Variants in RAD18 observed in about 807,000 individuals in gnomAD.
RAD18 encodes E3 ubiquitin-protein ligase RAD18.
RAD18 carries 47 observed loss-of-function variants against 60.4 expected under a neutral mutation model. The ratio of observed to expected loss-of-function variants is 0.78; its 90% CI spans 0.62 to 0.99. The LOEUF (loss-of-function observed/expected upper bound fraction) is 0.99. Ranked by LOEUF, RAD18 falls within the 50% of genes least tolerant of loss-of-function variation. The probability of loss-of-function intolerance (pLI) is 0.00; values close to 1 mark genes in which losing one functional copy is unlikely to be tolerated. For missense variants in RAD18, 640 were observed against 593.3 expected, an observed-to-expected ratio of 1.08 and a Z score of -0.82; for synonymous variants, 225 against 195.5, an observed-to-expected ratio of 1.15 and a Z score of -1.26.
At chr3:8,886,711 GAATGTC>G (rs1427529969) in intron 12 of RAD18, among the ~76,000 whole-genome samples, 2 of 152,208 alleles carry the variant, frequency 1.3e-5, no homozygotes, top group African/African-American at 2.4e-5. Context: ...ATGAAGAAAG[GAATGTC>G]AACTGCTATC....
chr3:8,937,514 T>TTATATATATAATATATATATATATA (rs1559790510), intron 6 of RAD18, among the ~76,000 whole-genome samples: 1 of 151,686 alleles, frequency 6.6e-6, no homozygotes, highest in African/African-American at 2.4e-5. Context: ...TATAGAAGGG[T>TTATATATATAATATATATATATATA]TAAGGGCTGC....
chr3:8,887,705 A>C (rs2125045932), intron 12 of RAD18, among the ~76,000 whole-genome samples: 1 of 152,332 alleles, frequency 6.6e-6, no homozygotes, highest in Admixed American at 6.5e-5. Flanking sequence ...GTAAAGTAAA[A>C]GTCTTGCAAG....
chr3:8,951,540 G>A (rs546559448), intron 2 of RAD18, among the ~76,000 whole-genome samples: 4 of 152,244 alleles, frequency 2.6e-5, no homozygotes, highest in African/African-American at 4.8e-5. Flanking sequence ...TCCAATCTAC[G>A]TAAAGAAAGG....
At chr3:8,885,346 A>G (rs1357378432) in intron 12 of RAD18, among the ~76,000 whole-genome samples, 1 of 152,234 alleles carries the variant, frequency 6.6e-6, no homozygotes, top group Admixed American at 6.5e-5. Context: ...TGACAGGCTC[A>G]TAAGTGCATG....
intron 9 of RAD18, among the ~76,000 whole-genome samples, chr3:8,903,424 A>G (rs1939949063): frequency 6.6e-6 from 1 of 152,196 alleles, no homozygotes; most frequent in South Asian, 2.1e-4. Context: ...CGTCTACTCC[A>G]GCTCTCCTTT....
chr3:8,902,285 A>C, intron 10 of RAD18, 95 bp downstream of exon 10: 2 of 1,194,366 alleles, frequency 1.7e-6, no homozygotes, highest in Admixed American at 3.1e-5. Context: ...CAAAGAACTA[A>C]GAACTCCAAA....
At chr3:8,934,816 G>A (rs1940621264) in intron 7 of RAD18, among the ~76,000 whole-genome samples, 1 of 152,132 alleles carries the variant, frequency 6.6e-6, no homozygotes. Flanking sequence ...GGAACAAAAT[G>A]AAATGTTTAT....
intron 12 of RAD18, among the ~76,000 whole-genome samples, chr3:8,889,336 G>A (rs759295835): frequency 6.6e-6 from 1 of 152,178 alleles, no homozygotes; most frequent in African/African-American, 2.4e-5. Context: ...TTTCCTCACT[G>A]TAAAACAGGG....
chr3:8,953,201 T>C (rs960065380), intron 2 of RAD18, among the ~76,000 whole-genome samples: 5 of 150,592 alleles, frequency 3.3e-5, no homozygotes, highest in African/African-American at 7.3e-5. Flanking sequence ...TGTATACTTA[T>C]ACAATATAGT....
At chr3:8,947,921 A>AC (rs2124837349) in intron 3 of RAD18, among the ~76,000 whole-genome samples, 1 of 152,310 alleles carries the variant, frequency 6.6e-6, no homozygotes, top group East Asian at 1.9e-4. Context: ...GGCAAAACTA[A>AC]CCAAACTCCT....
At chr3:8,935,752 A>G (rs769111198) in intron 7 of RAD18, 119 bp downstream of exon 7, 9 of 956,534 alleles carry the variant, frequency 9.4e-6, no homozygotes, top group Non-Finnish European at 1.3e-5. Flanking sequence ...ACACATTTGC[A>G]CGTCTTATCT....
At chr3:8,916,875 C>A (rs1940210211) in intron 7 of RAD18, among the ~76,000 whole-genome samples, 1 of 151,870 alleles carries the variant, frequency 6.6e-6, no homozygotes, top group Admixed American at 6.6e-5. Context: ...AAGAAATATA[C>A]ACATAATAGA....
intron 9 of RAD18, among the ~76,000 whole-genome samples, chr3:8,910,511 G>A (rs1278516313): frequency 6.6e-6 from 1 of 152,100 alleles, no homozygotes; most frequent in African/African-American, 2.4e-5. Flanking sequence ...AGGAGGCTGA[G>A]GCAGGAGAAT....
In RAD18 at chr3:8,923,712, TCTC is replaced by T. The variant is rs565318854; in HGVS notation, c.890-9995_890-9993del. On this transcript the variant is annotated intron_variant, in intron 7 of 12. Transcript: ENST00000264926. ...GGAAGCCCATCAGACTAACAGCTGA[TCTC>T]CTGGCAGAAACTTTACAAGCCAGAA... is the stretch of plus-strand genomic sequence containing the variant. Among the ~76,000 whole-genome samples, 136 of 152,264 alleles carry T rather than the reference TCTC, an allele frequency of 8.9e-4. 1 individual carries two copies. The highest frequency in any genetic ancestry group is 2.4e-3 in the Admixed American group (37 of 15,292).
intron 6 of RAD18, among the ~76,000 whole-genome samples, chr3:8,938,256 A>T (rs1940686727): frequency 6.6e-6 from 1 of 152,180 alleles, no homozygotes; most frequent in South Asian, 2.1e-4. Context: ...TTTGGACTCA[A>T]GTATGTCTAC....
intron 11 of RAD18, among the ~76,000 whole-genome samples, chr3:8,897,671 C>G (rs1245662569): frequency 1.3e-5 from 2 of 152,174 alleles, no homozygotes; most frequent in Non-Finnish European, 2.9e-5. Flanking sequence ...GACTAAGTTT[C>G]AGCGTCATTA....
intron 4 of RAD18, among the ~76,000 whole-genome samples, chr3:8,945,468 CTTTTTTTTTT>C (rs375744764): frequency 3.1e-5 from 3 of 96,416 alleles, no homozygotes; most frequent in Non-Finnish European, 5.9e-5. Flanking sequence ...TTTCCATCTT[CTTTTTTTTTT>C]TTTTTTTTTT....
chr3:8,877,230 G>T lies in RAD18; in HGVS notation c.*4127C>A. ...ATAGAAATTTATTTCTCACAGGTAT[G>T]GAGGCTGGTAAGTCCAAGATCAAGG... On this transcript the variant is annotated 3_prime_UTR_variant, in exon 13 of 13. Transcript: ENST00000264926. The T allele has an allele frequency of 6.5e-6, 1 of 154,104 alleles. No individual in the cohort carries two copies. The highest frequency in any genetic ancestry group is 1.8e-4 in the South Asian group (1 of 5,438). 9.5% of individuals were successfully genotyped at this position (154,104 alleles called of 1,614,324 possible). A position where few individuals can be genotyped will look rare whatever the true frequency, so the allele number is the denominator to read the frequency against.
In RAD18 at chr3:8,879,888, C is replaced by A. The variant is rs1317017947; in HGVS notation, c.*1469G>T. 6.6e-6 allele frequency: 1 copy of A among 152,206 alleles called. No homozygotes were observed. The highest frequency in any genetic ancestry group is 1.5e-5 in the Non-Finnish European group (1 of 68,030). 9.4% of individuals were successfully genotyped at this position (152,206 alleles called of 1,614,324 possible). On this transcript the variant is annotated 3_prime_UTR_variant, in exon 13 of 13. Transcript: ENST00000264926. ...GCTGCAATTAAAGTAATAATTACTT[C>A]CAGTTTAATTTATAGACTATATAAT...
Sources: gnomAD v4.1 joint callset for allele counts (sites outside exome capture counted in the v4.1 genomes callset) on GRCh38, gnomAD v4.1.1 for gene constraint, MANE v1.5 for transcripts, NCBI Gene and HGNC (gene_info 2026-07-23, HGNC 2026-07-21) for gene names.